Variants in PLCD4 observed in about 807,000 individuals in gnomAD.
The protein encoded by PLCD4 is 1-phosphatidylinositol 4,5-bisphosphate phosphodiesterase delta-4.
Under a neutral mutation model 90.2 loss-of-function variants are expected in PLCD4, and 63 were observed. The ratio of observed to expected loss-of-function variants is 0.70; its 90% confidence interval spans 0.57 to 0.86. The LOEUF (loss-of-function observed/expected upper bound fraction) is 0.86, where lower values mean the gene tolerates loss of function less well. Among genes scored for constraint, PLCD4 ranks in the 40% least tolerant of loss-of-function variants. The probability of loss-of-function intolerance (pLI) is 0.00; values close to 1 mark genes in which losing one functional copy is unlikely to be tolerated. For missense variants in PLCD4, 830 were observed against 956.3 expected (o/e 0.87, Z 1.74); for synonymous variants, 294 against 356.5 (o/e 0.82, Z 1.97).
Position 218,634,613 on chromosome 2 carries a change from C to T in PLCD4, c.1879C>T (p.Gln627Ter), listed in dbSNP as rs761762147. 1 of 1,613,782 alleles carries T rather than the reference C, an allele frequency of 6.2e-7. No individual in the cohort carries two copies. Among genetic ancestry groups the T allele is most frequent in the Admixed American group, 1.7e-5 (1 of 59,958 alleles). The part of the protein sequence containing the change: ...PEKPISPFKA[Q>*]TLLIQVISGQ... ...GAAGCCCATCAGCCCTTTCAAAGCCCAGACTCTCTTAATCCAGGTACAGTG... is the reference window on the plus strand; with the variant it reads ...GAAGCCCATCAGCCCTTTCAAAGCCTAGACTCTCTTAATCCAGGTACAGTG... Residue 627 changes from glutamine to a stop codon, truncating the protein, a stop_gained, in exon 13 of 16, where the codon CAG becomes TAG. Coordinates refer to ENST00000450993, the MANE Select transcript of PLCD4 (RefSeq NM_032726.4). LOFTEE classifies it high-confidence loss of function. This position sits in a 1 kb window ranked among gnomAD's most constrained non-coding sequence, Gnocchi z 4.0.
intron 1 of PLCD4, chr2:218,609,225 T>C (rs1695227324): frequency 6.6e-6 from 1 of 151,946 alleles, no homozygotes; most frequent in Admixed American, 6.6e-5. Flanking sequence ...TGAACCAGGT[T>C]AGGCATAATC....
At chr2:218,632,076 G>A (rs1433879675) in intron 9 of PLCD4, 60 bp from the exon 10 acceptor site, 2 of 1,493,670 alleles carry the variant, frequency 1.3e-6, no homozygotes, top group African/African-American at 1.4e-5. Context: ...AGACTGGCAT[G>A]ATTCCCAGAA....
chr2:218,620,753 G>A (rs1192751171), intron 4 of PLCD4, among the ~76,000 whole-genome samples: 5 of 151,714 alleles, frequency 3.3e-5, no homozygotes, highest in Non-Finnish European at 2.9e-5. Context: ...AAACAGCCAG[G>A]TGTGGTGGTG....
At chr2:218,628,520 G>A (rs1696215780) in intron 7 of PLCD4, 1 of 316,990 alleles carries the variant, frequency 3.2e-6, no homozygotes, top group Non-Finnish European at 5.9e-6. Flanking sequence ...TAAATGGAAG[G>A]CAATAGAGAA....
chr2:218,612,776 C>CA (rs1230114046), intron 1 of PLCD4, among the ~76,000 whole-genome samples: 11 of 149,870 alleles, frequency 7.3e-5, no homozygotes, highest in East Asian at 3.9e-4. Context: ...ATCTCAAAAA[C>CA]AAAAAAAAAG....
intron 1 of PLCD4, among the ~76,000 whole-genome samples, chr2:218,608,966 G>A (rs113046597): frequency 0.013 from 1,989 of 151,884 alleles, 50 homozygotes; most frequent in African/African-American, 0.046. Context: ...GTGAAACCCC[G>A]TCTCTACTGA....
At chr2:218,629,688 T>C in intron 8 of PLCD4, 25 bp downstream of exon 8, 4 of 1,606,406 alleles carry the variant, frequency 2.5e-6, no homozygotes, top group Non-Finnish European at 3.4e-6. Context: ...ATGGGGACAC[T>C]GGTGAGGCCA....
In PLCD4 at chr2:218,636,644, T is replaced by C. The variant is rs140885502; in HGVS notation, c.*67T>C. 32 of 1,488,624 alleles carry C rather than the reference T, an allele frequency of 2.1e-5. No homozygotes were observed. The African/African-American group carries it at 4.3e-4, about 20-fold the overall frequency. The allele number at this position is 1,488,624 out of a possible 1,614,324, so 92.2% of individuals were successfully genotyped here. A position where few individuals can be genotyped will look rare whatever the true frequency, so the allele number is the denominator to read the frequency against. On this transcript the variant is annotated 3_prime_UTR_variant, in exon 16 of 16. Transcript: ENST00000450993. ...CGGGGAGAAACATCTGGAAGGATGCTCGAGAGAACAAATGGAGGTGGTGAA... is the reference window on the plus strand; with the variant it reads ...CGGGGAGAAACATCTGGAAGGATGCCCGAGAGAACAAATGGAGGTGGTGAA...
intron 3 of PLCD4, among the ~76,000 whole-genome samples, chr2:218,617,114 G>A (rs576491644): frequency 0.014 from 1,956 of 143,142 alleles, 17 homozygotes; most frequent in Non-Finnish European, 0.02. Flanking sequence ...ACAGGCACCC[G>A]CCACCACGCC....
intron 3 of PLCD4, among the ~76,000 whole-genome samples, 185 bp from the exon 4 acceptor site, chr2:218,618,394 A>T (rs1177834486): frequency 6.6e-6 from 1 of 152,170 alleles, no homozygotes; most frequent in Non-Finnish European, 1.5e-5. Context: ...TCAGTGATTC[A>T]TGTGGACTCC....
intron 10 of PLCD4, among the ~76,000 whole-genome samples, chr2:218,632,746 T>C (rs1407670426): frequency 6.6e-6 from 1 of 152,116 alleles, no homozygotes; most frequent in Non-Finnish European, 1.5e-5. Flanking sequence ...GTTACTGGAA[T>C]GATTGTTGTG....
At chr2:218,629,463 G>A in intron 7 of PLCD4, 56 bp from the exon 8 acceptor site, 1 of 1,594,086 alleles carries the variant, frequency 6.3e-7, no homozygotes. Context: ...GAGTCCCTAG[G>A]TAGAAGATCA....
At chr2:218,626,253 T>C (rs1259802017) in intron 6 of PLCD4, among the ~76,000 whole-genome samples, 1 of 91,626 alleles carries the variant, frequency 1.1e-5, no homozygotes, top group African/African-American at 4.2e-5. Flanking sequence ...TGAGACTCTG[T>C]CTCCCAAAAA....
chr2:218,621,108 T>G, intron 4 of PLCD4, among the ~76,000 whole-genome samples: 1 of 152,082 alleles, frequency 6.6e-6, no homozygotes, highest in East Asian at 1.9e-4. Context: ...TTTTTTGTAT[T>G]TTTAGTGGAG....
rs765223141 is a variant in PLCD4 at position 218,622,756 on chromosome 2, C to G, written c.650C>G (p.Ala217Gly). ...EVQELFESFS[A>G]DGQKLTLLEF... ...CAGGAACTGTTTGAAAGTTTTTCAG[C>G]TGATGGGCAGAAGCTGACTCTGCTG... The change falls in exon 6 of 16, where the codon GCT becomes GGT. Residue 217 changes from alanine (A) to glycine (G), a missense_variant. Transcript: ENST00000450993. 1 of 1,613,978 alleles carries G rather than the reference C, an allele frequency of 6.2e-7. No individual in the cohort carries two copies. Among genetic ancestry groups the G allele is most frequent in the South Asian group, 1.1e-5 (1 of 91,080 alleles).
chr2:218,625,114 CAAAAAAAAA>C (rs11325307), intron 6 of PLCD4, among the ~76,000 whole-genome samples: 1 of 61,924 alleles, frequency 1.6e-5, no homozygotes, highest in Non-Finnish European at 2.9e-5. Flanking sequence ...GACTCTGTTT[CAAAAAAAAA>C]AAAAAAAAAG....
chr2:218,627,455 TA>T (rs796099156), intron 6 of PLCD4, among the ~76,000 whole-genome samples: 4,627 of 144,748 alleles, frequency 0.032, 236 homozygotes, highest in African/African-American at 0.11. Context: ...AAAAAAAAGT[TA>T]AAAAAAAAAA....
At chr2:218,628,255 C>T (rs929690964) in intron 7 of PLCD4, 25 bp downstream of exon 7, 1 of 1,602,590 alleles carries the variant, frequency 6.2e-7, no homozygotes, top group Non-Finnish European at 8.5e-7. Context: ...GAGAAGGGGT[C>T]CAACTCATGA....
intron 1 of PLCD4, among the ~76,000 whole-genome samples, chr2:218,612,267 T>C (rs1695373892): frequency 6.6e-6 from 1 of 152,178 alleles, no homozygotes; most frequent in Admixed American, 6.5e-5. Context: ...GATTCCAAAC[T>C]GCATCCCCAC....
Sources: allele counts gnomAD v4.1 joint callset (sites outside exome capture counted in the v4.1 genomes callset), GRCh38; gene constraint gnomAD v4.1.1; non-coding constraint Gnocchi (gnomAD v3.1); transcripts MANE v1.5; gene names NCBI Gene and HGNC (gene_info 2026-07-23, HGNC 2026-07-21).